The following CORIN variants were observed in gnomAD, a reference collection of about 807,000 sequenced individuals.
CORIN encodes the protein corin, serine peptidase.
A neutral mutation model predicts 125.3 loss-of-function variants in CORIN; 117 were observed. The observed-to-expected ratio is 0.93, with a 90% CI of 0.80 to 1.09. The LOEUF is 1.09. Among genes scored for constraint, CORIN ranks in the 50% least tolerant of loss-of-function variants. The pLI, the probability that CORIN is intolerant of heterozygous loss-of-function variation, is 0.00. For missense variants in CORIN, 1,253 were observed against 1,306.7 expected (o/e 0.96, Z 0.63); for synonymous variants, 450 against 466.4 (o/e 0.96, Z 0.45).
chr4:47,665,815 T>A (rs61760490), intron 10 of CORIN, among the ~76,000 whole-genome samples: 1 of 152,318 alleles, frequency 6.6e-6, no homozygotes, highest in East Asian at 1.9e-4. Flanking sequence ...CCAAACCCCT[T>A]AGCTTGAAGT....
At chr4:47,607,005 G>C (rs1016515073) in intron 19 of CORIN, among the ~76,000 whole-genome samples, 1 of 152,046 alleles carries the variant, frequency 6.6e-6, no homozygotes, top group Admixed American at 6.5e-5. Flanking sequence ...TTGAATAATC[G>C]AACATTCCAA....
At chr4:47,654,134 T>C (rs1311188686) in intron 12 of CORIN, among the ~76,000 whole-genome samples, 1 of 152,224 alleles carries the variant, frequency 6.6e-6, no homozygotes, top group African/African-American at 2.4e-5. Flanking sequence ...TCAGGATCAC[T>C]AGTATAAAAG....
chr4:47,822,884 C>A (rs1443974490), intron 1 of CORIN, among the ~76,000 whole-genome samples: 1 of 150,434 alleles, frequency 6.6e-6, no homozygotes, highest in Non-Finnish European at 1.5e-5. Flanking sequence ...GGTGCGATAT[C>A]GGCTCACTGC....
At chr4:47,681,394 C>T (rs1725272647) in intron 7 of CORIN, 1 of 152,210 alleles carries the variant, frequency 6.6e-6, no homozygotes, top group Non-Finnish European at 1.5e-5. Flanking sequence ...CAACTGGCAT[C>T]CAGACACACA....
intron 15 of CORIN, among the ~76,000 whole-genome samples, chr4:47,642,547 A>G (rs1222573051): frequency 6.6e-6 from 1 of 152,252 alleles, no homozygotes; most frequent in African/African-American, 2.4e-5. Flanking sequence ...AACGCTGCAC[A>G]ATTGATCACA....
chr4:47,763,726 T>A (rs1729579480), intron 3 of CORIN, 140 bp from the exon 4 acceptor site: 1 of 643,130 alleles, frequency 1.6e-6, no homozygotes, highest in Non-Finnish European at 2.7e-6. Context: ...CATAGGTGCA[T>A]GTAAGTATGT....
chr4:47,682,298 T>C (rs1725322204), intron 7 of CORIN: 3 of 151,868 alleles, frequency 2.0e-5, no homozygotes, highest in Admixed American at 1.3e-4. Context: ...AAAAATTAGC[T>C]GAGCGTGGTG....
chr4:47,809,120 TAA>T (rs987192471), intron 1 of CORIN, among the ~76,000 whole-genome samples: 1 of 152,144 alleles, frequency 6.6e-6, no homozygotes, highest in African/African-American at 2.4e-5. Flanking sequence ...TGTTACGAGT[TAA>T]AAAAAGTTGC....
chr4:47,797,319 G>A (rs887271894), intron 2 of CORIN, among the ~76,000 whole-genome samples: 3 of 151,248 alleles, frequency 2.0e-5, no homozygotes, highest in African/African-American at 4.8e-5. Flanking sequence ...CAATCTCAAA[G>A]TACTCTATGG....
chr4:47,624,027 C>G (rs1722452765), intron 17 of CORIN, 79 bp from the exon 18 acceptor site: 2 of 1,173,820 alleles, frequency 1.7e-6, no homozygotes, highest in East Asian at 2.4e-5. Context: ...CAGTGAAATA[C>G]AAGACAGCTC....
chr4:47,730,747 A>G (rs1468558609), intron 5 of CORIN, among the ~76,000 whole-genome samples: 2 of 152,264 alleles, frequency 1.3e-5, no homozygotes, highest in Non-Finnish European at 1.5e-5. Flanking sequence ...CAGTTGTGCA[A>G]TGCAGCAATA....
chr4:47,607,735 A>G (rs1384324675), intron 19 of CORIN, among the ~76,000 whole-genome samples: 2 of 152,166 alleles, frequency 1.3e-5, no homozygotes, highest in East Asian at 1.9e-4. Context: ...AAGCAAAAAG[A>G]AGGAGGACAA....
At chr4:47,653,796 T>C (rs1723843565) in intron 12 of CORIN, 136 bp from the exon 13 acceptor site, 1 of 695,976 alleles carries the variant, frequency 1.4e-6, no homozygotes, top group Admixed American at 2.8e-5. Flanking sequence ...AATAGCCATT[T>C]TGCTTTGGCA....
Position 47,661,807 on chromosome 4 carries a change from C to A in CORIN, c.1639G>T (p.Val547Leu). 1 of 1,613,648 alleles carries A rather than the reference C, an allele frequency of 6.2e-7. No homozygotes were observed. The highest frequency in any genetic ancestry group is 1.7e-4 in the Middle Eastern group (1 of 6,060). ...KERCESVLGI[V>L]GLQWPEDTDC... ...GTGTCTTCAGGCCACTGTAGGCCCA[C>A]AATCCCAAGAACAGACTCACAGCGT... Residue 547 changes from valine to leucine, a missense_variant, in exon 12 of 22, where the codon GTG (valine) becomes TTG (leucine). Coordinates refer to ENST00000273857, the MANE Select transcript of CORIN (RefSeq NM_006587.4).
At chr4:47,757,874 A>G (rs1030693227) in intron 4 of CORIN, among the ~76,000 whole-genome samples, 26 of 80,252 alleles carry the variant, frequency 3.2e-4, no homozygotes, top group African/African-American at 1.0e-3. Context: ...ATACATATAT[A>G]TATGTATATA....
In CORIN at chr4:47,644,163, T is replaced by G. The variant is rs545266735; in HGVS notation, c.1958-907A>C. ...TACACAAAGACTCCTGACGGCTAGC[T>G]GTGACTCCGCCCAAAGTTGACCTGA... is the stretch of plus-strand genomic sequence containing the variant. On this transcript the variant is annotated intron_variant, in intron 14 of 21. Coordinates refer to ENST00000273857, the MANE Select transcript of CORIN (RefSeq NM_006587.4). Among the ~76,000 whole-genome samples, 2 of 152,370 alleles carry G rather than the reference T, an allele frequency of 1.3e-5. 1 individual carries two copies. Among genetic ancestry groups the G allele is most frequent in the South Asian group, 4.1e-4 (2 of 4,830 alleles).
chr4:47,627,774 C>T (rs903778294), intron 16 of CORIN, among the ~76,000 whole-genome samples: 3 of 152,132 alleles, frequency 2.0e-5, no homozygotes, highest in African/African-American at 7.2e-5. Context: ...CTATGGACCT[C>T]CTAAATCCAG....
At chr4:47,805,148 A>AAAAAATAATAATAATAAT (rs796469224) in intron 2 of CORIN, among the ~76,000 whole-genome samples, 7 of 129,166 alleles carry the variant, frequency 5.4e-5, no homozygotes, top group African/African-American at 1.8e-4. Flanking sequence ...AAAAAAAAAA[A>AAAAAATAATAATAATAAT]AATAATAATA....
At chr4:47,791,078 A>G (rs1266512000) in intron 2 of CORIN, among the ~76,000 whole-genome samples, 1 of 152,130 alleles carries the variant, frequency 6.6e-6, no homozygotes, top group African/African-American at 2.4e-5. Context: ...ATTCTGCTTT[A>G]CATACTTTAC....
Sources: gnomAD v4.1 joint callset for allele counts (sites outside exome capture counted in the v4.1 genomes callset) on GRCh38, gnomAD v4.1.1 for gene constraint, MANE v1.5 for transcripts, NCBI Gene and HGNC (gene_info 2026-07-23, HGNC 2026-07-21) for gene names.